The following ARPP21 variants were observed in gnomAD, a reference collection of about 807,000 sequenced individuals.
The protein encoded by ARPP21 is cAMP-regulated phosphoprotein 21.
A neutral mutation model predicts 113.2 loss-of-function variants in ARPP21; 69 were observed. The ratio of observed to expected loss-of-function variants is 0.61; its 90% CI spans 0.50 to 0.74. ARPP21 has a LOEUF of 0.74. ARPP21 is among the 30% of genes least tolerant of loss of function. The pLI is 0.00. For synonymous variants in ARPP21, 368 were observed against 375.5 expected (o/e 0.98, Z 0.23); for missense variants, 1,070 against 1,037.4 (o/e 1.03, Z -0.43).
chr3:35,774,899 A>G (rs547887534), intron 19 of ARPP21: 1 of 152,292 alleles, frequency 6.6e-6, no homozygotes, highest in East Asian at 1.9e-4. Context: ...AGTGTCCTTG[A>G]TCAATAATTT....
At chr3:35,716,391 T>G (rs1321453730) in intron 12 of ARPP21, among the ~76,000 whole-genome samples, 1 of 152,068 alleles carries the variant, frequency 6.6e-6, no homozygotes, top group Non-Finnish European at 1.5e-5. Context: ...AAATTTAAAC[T>G]GGACATTAAA....
At chr3:35,650,076 A>G (rs1288252893) in intron 1 of ARPP21, 1 of 152,162 alleles carries the variant, frequency 6.6e-6, no homozygotes, top group African/African-American at 2.4e-5. Context: ...GGAACACGTT[A>G]TCTTCTCTGA....
chr3:35,673,306 A>C (rs542196310), intron 1 of ARPP21, among the ~76,000 whole-genome samples: 3 of 152,118 alleles, frequency 2.0e-5, no homozygotes, highest in African/African-American at 7.2e-5. Context: ...GTGATCACAG[A>C]TTCTATATGC....
Position 35,738,297 on chromosome 3 carries a change from T to A in ARPP21, c.1728T>A (p.Ser576=). The stretch of plus-strand genomic sequence containing the variant: ...CTCCCCAGCACCTCCTACCTGTGTC[T>A]CCAACGCAGCACTTTCCCATGGTAC... ...SFPPQHLLPV[S]PTQHFPMRDD... is the part of the protein sequence containing the mutation. Residue 576 remains serine (S), a synonymous_variant, in exon 17 of 21, where the codon TCT becomes TCA. Transcript: ENST00000684406. 6.5e-7 allele frequency: 1 copy of A among 1,534,002 alleles called. No individual in the cohort carries two copies. Among genetic ancestry groups the A allele is most frequent in the Non-Finnish European group, 8.7e-7 (1 of 1,144,796 alleles).
intron 19 of ARPP21, among the ~76,000 whole-genome samples, chr3:35,777,165 A>C (rs1166524776): frequency 6.6e-6 from 1 of 152,106 alleles, no homozygotes; most frequent in Non-Finnish European, 1.5e-5. Flanking sequence ...TACTACCAAC[A>C]CCCAGTTTGT....
intron 1 of ARPP21, among the ~76,000 whole-genome samples, chr3:35,646,805 C>T (rs565655860): frequency 2.0e-5 from 3 of 152,080 alleles, no homozygotes; most frequent in African/African-American, 7.2e-5. Flanking sequence ...TTTAAATTTA[C>T]TTAGATATGC....
chr3:35,750,430 T>A (rs1332774547), intron 19 of ARPP21, among the ~76,000 whole-genome samples: 1 of 152,174 alleles, frequency 6.6e-6, no homozygotes, highest in Non-Finnish European at 1.5e-5. Flanking sequence ...TTAAATAACA[T>A]ATTCTGTATG....
chr3:35,790,756 C>T (rs1001872195), intron 19 of ARPP21, among the ~76,000 whole-genome samples: 1 of 152,140 alleles, frequency 6.6e-6, no homozygotes, highest in Non-Finnish European at 1.5e-5. Context: ...CAGAATGTAG[C>T]TCAAGGAAAT....
chr3:35,764,026 G>A (rs903405996), intron 19 of ARPP21, among the ~76,000 whole-genome samples: 4 of 151,708 alleles, frequency 2.6e-5, no homozygotes, highest in Non-Finnish European at 5.9e-5. Context: ...CCATACAAAA[G>A]AAATATGATT....
At chr3:35,647,521 G>A (rs914853951) in intron 1 of ARPP21, among the ~76,000 whole-genome samples, 3 of 152,066 alleles carry the variant, frequency 2.0e-5, no homozygotes, top group Non-Finnish European at 4.4e-5. Flanking sequence ...CCAAGGAGGC[G>A]CATGGCCCTC....
At chr3:35,730,220 T>A (rs960565585) in intron 15 of ARPP21, among the ~76,000 whole-genome samples, 1 of 152,236 alleles carries the variant, frequency 6.6e-6, no homozygotes, top group Non-Finnish European at 1.5e-5. Context: ...AGTGGGTCAG[T>A]TGACTTCCAC....
intron 9 of ARPP21, among the ~76,000 whole-genome samples, chr3:35,700,994 G>T (rs1439200975): frequency 6.6e-6 from 1 of 151,638 alleles, no homozygotes; most frequent in African/African-American, 2.4e-5. Flanking sequence ...CCTGCACGTT[G>T]TGCACATGTA....
intron 19 of ARPP21, among the ~76,000 whole-genome samples, chr3:35,747,175 A>G (rs2095111019): frequency 6.6e-6 from 1 of 151,984 alleles, no homozygotes; most frequent in African/African-American, 2.4e-5. Context: ...ACAGGGTGAA[A>G]CCCCGTCTCT....
intron 9 of ARPP21, among the ~76,000 whole-genome samples, chr3:35,693,400 TATG>T: frequency 6.6e-6 from 1 of 151,744 alleles, no homozygotes; most frequent in Admixed American, 6.6e-5. Context: ...GCTGTTGAGG[TATG>T]GTGGTGGTTC....
intron 1 of ARPP21, among the ~76,000 whole-genome samples, chr3:35,661,217 C>T (rs1272977407): frequency 1.3e-5 from 2 of 152,266 alleles, no homozygotes; most frequent in East Asian, 3.9e-4. Flanking sequence ...CAAATCTCAG[C>T]CTTGTAAAAC....
chr3:35,699,034 T>A (rs1325056398), intron 9 of ARPP21, among the ~76,000 whole-genome samples: 3 of 151,686 alleles, frequency 2.0e-5, no homozygotes, highest in East Asian at 3.9e-4. Flanking sequence ...ATAGCACATG[T>A]TAATTCTTTT....
chr3:35,682,799 T>A, intron 3 of ARPP21, 49 bp from the exon 4 acceptor site: 1 of 1,543,110 alleles, frequency 6.5e-7, no homozygotes, highest in Non-Finnish European at 8.8e-7. Context: ...TTACTGTTCG[T>A]TTTTGTTTGT....
intron 1 of ARPP21, among the ~76,000 whole-genome samples, chr3:35,646,047 T>C (rs1004314992): frequency 2.1e-5 from 3 of 144,136 alleles, no homozygotes; most frequent in Non-Finnish European, 2.9e-5. Context: ...GGCCTAGCTA[T>C]CATCTAAATG....
At chr3:35,741,243 C>A (rs2094638873) in intron 18 of ARPP21, among the ~76,000 whole-genome samples, 1 of 152,172 alleles carries the variant, frequency 6.6e-6, no homozygotes, top group African/African-American at 2.4e-5. Context: ...GAAATACTTT[C>A]ATTCCTTCTT....
Sources: gnomAD v4.1 joint callset for allele counts (sites outside exome capture counted in the v4.1 genomes callset) on GRCh38, gnomAD v4.1.1 for gene constraint, MANE v1.5 for transcripts, NCBI Gene and HGNC (gene_info 2026-07-23, HGNC 2026-07-21) for gene names.